The following NTRK1 variants were observed in gnomAD, a reference collection of about 807,000 sequenced individuals.
NTRK1 encodes the protein high affinity nerve growth factor receptor.
In NTRK1, 62 loss-of-function variants were observed where a neutral mutation model predicts 86.8. That is an observed-to-expected ratio of 0.71 (90% confidence interval 0.58 to 0.88). The LOEUF is 0.88. NTRK1 is among the 40% of genes least tolerant of loss of function. The probability of loss-of-function intolerance (pLI) is 0.00; values close to 1 mark genes in which losing one functional copy is unlikely to be tolerated. For synonymous variants in NTRK1, 469 were observed against 456.6 expected (o/e 1.03, Z -0.35); for missense variants, 967 against 1,078.4 (o/e 0.90, Z 1.45).
chr1:156,822,672 G>T (rs1295560415), intron 1 of NTRK1, among the ~76,000 whole-genome samples: 4 of 144,324 alleles, frequency 2.8e-5, no homozygotes, highest in Non-Finnish European at 1.5e-5. Flanking sequence ...GGCTCTAATT[G>T]ATATTCGTCA....
intron 1 of NTRK1, among the ~76,000 whole-genome samples, chr1:156,826,426 G>A (rs1294658727): frequency 6.6e-6 from 1 of 151,408 alleles, no homozygotes; most frequent in Non-Finnish European, 1.5e-5. Context: ...TCAGCCTCCC[G>A]AGTAGCTGGG....
chr1:156,841,530 T>C, intron 1 of NTRK1: 1 of 1,613,934 alleles, frequency 6.2e-7, no homozygotes, highest in African/African-American at 1.3e-5. Context: ...CCAAAGGACC[T>C]GGGGGCATGC....
At chr1:156,824,684 T>C (rs184260129) in intron 1 of NTRK1, among the ~76,000 whole-genome samples, 2 of 152,322 alleles carry the variant, frequency 1.3e-5, no homozygotes, top group African/African-American at 4.8e-5. Context: ...GTGTAATTCT[T>C]TGTCAGAAAG....
chr1:156,878,213 C>T (rs1311579234), intron 14 of NTRK1, among the ~76,000 whole-genome samples: 1 of 152,150 alleles, frequency 6.6e-6, no homozygotes, highest in Non-Finnish European at 1.5e-5. Context: ...CTGCCTGGGG[C>T]ATTGGGCCTC....
In NTRK1 at chr1:156,871,407, T is replaced by TA. The variant is rs547351773; in HGVS notation, c.718-206dup. Among the ~76,000 whole-genome samples, 498 of 148,564 alleles carry TA rather than the reference T, an allele frequency of 3.4e-3. 2 individuals are homozygous for TA. The highest frequency in any genetic ancestry group is 0.011 in the African/African-American group (459 of 40,536). Reference sequence around the variant, plus strand: ...GTCGCTACAAAAATAAAACATAAAATAAAAAAAAAATGTGATCCAGGAGAT... The same window carrying TA: ...GTCGCTACAAAAATAAAACATAAAATAAAAAAAAAAATGTGATCCAGGAGAT... On this transcript the variant is annotated intron_variant, in intron 6 of 16. Transcript: ENST00000524377.
chr1:156,826,136 G>A (rs1654309879), intron 1 of NTRK1, among the ~76,000 whole-genome samples: 2 of 152,130 alleles, frequency 1.3e-5, no homozygotes, highest in East Asian at 3.9e-4. Context: ...CACCTGAGGA[G>A]AAAGGAAAAG....
chr1:156,829,575 T>G (rs1338206583), intron 1 of NTRK1, among the ~76,000 whole-genome samples: 1 of 152,118 alleles, frequency 6.6e-6, no homozygotes, highest in African/African-American at 2.4e-5. Flanking sequence ...GGCCCAGCTC[T>G]GGGTAGGATG....
chr1:156,871,579 T>C, intron 6 of NTRK1, 44 bp from the exon 7 acceptor site: 1 of 1,608,318 alleles, frequency 6.2e-7, no homozygotes, highest in Non-Finnish European at 8.5e-7. Context: ...AGCCCCAAGC[T>C]GGCTAAAGCT....
chr1:156,859,675 T>C (rs1027109741), upstream of NTRK1, among the ~76,000 whole-genome samples: 1 of 152,086 alleles, frequency 6.6e-6, no homozygotes, highest in Admixed American at 6.5e-5. The surrounding 1 kb of genome is among the most constrained non-coding windows in gnomAD (Gnocchi z 6.2). Context: ...CTCCGTCTGG[T>C]CACCTTCTTG....
intron 7 of NTRK1, among the ~76,000 whole-genome samples, chr1:156,871,991 A>G (rs138372083): frequency 3.3e-5 from 5 of 152,190 alleles, no homozygotes; most frequent in Non-Finnish European, 7.4e-5. Context: ...GAGCCTTGCT[A>G]CCTGAGGCCC....
intron 1 of NTRK1, among the ~76,000 whole-genome samples, chr1:156,835,271 A>G (rs146188620): frequency 6.5e-4 from 99 of 152,318 alleles, no homozygotes; most frequent in African/African-American, 2.3e-3. Context: ...ATTCAATAAA[A>G]TGGACTTTGT....
intron 2 of NTRK1, chr1:156,851,754 T>C (rs1396688709): frequency 6.2e-7 from 1 of 1,613,636 alleles, no homozygotes; most frequent in African/African-American, 1.3e-5. Flanking sequence ...TTGCACTCTT[T>C]AGGGCACAGC....
In NTRK1 at chr1:156,876,228, G is replaced by A. The variant is rs756507221; in HGVS notation, c.1632+18G>A. ...CTGTCAAGGTGAGACCCTGCCCCGG[G>A]GGGTACTGCTGGCCTGGGTCCCACC... On this transcript the variant is annotated intron_variant, in intron 13 of 16. Coordinates refer to ENST00000524377, the MANE Select transcript of NTRK1 (RefSeq NM_002529.4). The A allele has an allele frequency of 3.4e-5, 55 of 1,613,558 alleles. No homozygotes were observed. The East Asian group carries it at 1.1e-3, about 32-fold the overall frequency.
chr1:156,830,550 CTTTTTTTTT>C (rs5778003), intron 1 of NTRK1, among the ~76,000 whole-genome samples: 3 of 105,408 alleles, frequency 2.8e-5, no homozygotes, highest in African/African-American at 4.0e-5. Context: ...TTGTGGGATT[CTTTTTTTTT>C]TTTTTTTTTT....
intron 1 of NTRK1, chr1:156,816,077 T>A: frequency 6.2e-7 from 1 of 1,613,772 alleles, no homozygotes. Context: ...AAGGTTGGGA[T>A]GGGGGCTTCG....
intron 3 of NTRK1, among the ~76,000 whole-genome samples, chr1:156,865,451 C>T (rs1655885117): frequency 6.6e-6 from 1 of 152,192 alleles, no homozygotes. Flanking sequence ...TCTAATGCTG[C>T]CATTGATATG....
intron 2 of NTRK1, chr1:156,851,672 C>T: frequency 6.2e-7 from 1 of 1,614,220 alleles, no homozygotes; most frequent in South Asian, 1.1e-5. Context: ...GAGGATGAGG[C>T]TTCCCTCCAC....
rs1655355820 is a variant in NTRK1, at chr1:156,854,944, A to G, written c.51-9410A>G. 1.3e-5 allele frequency among the ~76,000 whole-genome samples: 2 copies of G among 152,084 alleles called. No homozygotes were observed. The highest frequency in any genetic ancestry group is 4.8e-5 in the African/African-American group (2 of 41,400). ...GGCCCTGCACAGTTTGAGCCCTTGT[A>G]GCCTCTCTGATTTCATCCTTTTTAT... On this transcript the variant is annotated intron_variant, in intron 2 of 16. Coordinates refer to the NTRK1 transcript ENST00000392302. The surrounding 1 kb of genome is among the most constrained non-coding windows in gnomAD (Gnocchi z 4.2).
intron 2 of NTRK1, chr1:156,852,164 C>A: frequency 6.2e-7 from 1 of 1,604,954 alleles, no homozygotes; most frequent in South Asian, 1.1e-5. Context: ...CCTCGCTGTG[C>A]AAGCCATCCC....
Sources: gnomAD v4.1 joint callset for allele counts (sites outside exome capture counted in the v4.1 genomes callset) on GRCh38, gnomAD v4.1.1 for gene constraint, Gnocchi (gnomAD v3.1) non-coding constraint, MANE v1.5 for transcripts, NCBI Gene and HGNC (gene_info 2026-07-23, HGNC 2026-07-21) for gene names.